Variants in ZNRF2 observed in about 807,000 individuals in gnomAD.
ZNRF2 encodes the protein E3 ubiquitin-protein ligase ZNRF2.
A neutral mutation model predicts 20.4 loss-of-function variants in ZNRF2; 16 were observed. The ratio of observed to expected loss-of-function variants is 0.79; its 90% CI spans 0.53 to 1.19. The LOEUF (loss-of-function observed/expected upper bound fraction) is 1.19. ZNRF2 is among the 50% of genes most tolerant of loss of function. The probability of loss-of-function intolerance (pLI) is 0.00; values close to 1 mark genes in which losing one functional copy is unlikely to be tolerated. For missense variants in ZNRF2, 363 were observed against 332.4 expected, an observed-to-expected ratio of 1.09 and a Z score of -0.72; for synonymous variants, 178 against 144.9, an observed-to-expected ratio of 1.23 and a Z score of -1.64.
intron 2 of ZNRF2, among the ~76,000 whole-genome samples, chr7:30,332,209 C>T (rs1466942718): frequency 2.6e-5 from 4 of 152,100 alleles, no homozygotes; most frequent in African/African-American, 9.7e-5. Flanking sequence ...TACCTGTCTT[C>T]ATAGAGTTAC....
At chr7:30,331,251 A>G (rs1799631296) in intron 2 of ZNRF2, among the ~76,000 whole-genome samples, 1 of 152,178 alleles carries the variant, frequency 6.6e-6, no homozygotes, top group African/African-American at 2.4e-5. Flanking sequence ...GAGTAAGCAG[A>G]TATGAGAATT....
chr7:30,285,961 G>C, intron 1 of ZNRF2, 135 bp downstream of exon 1: 7 of 1,321,766 alleles, frequency 5.3e-6, no homozygotes, highest in Non-Finnish European at 6.8e-6. Flanking sequence ...ACCAGCCCGC[G>C]TCGGTCTCCA....
In ZNRF2 at chr7:30,285,574, G is replaced by A. The variant is rs1385392217; in HGVS notation, c.217G>A (p.Ala73Thr). 4.0e-6 allele frequency: 4 copies of A among 993,902 alleles called. No homozygotes were observed. Among genetic ancestry groups the A allele is most frequent in the East Asian group, 1.0e-4 (1 of 9,820 alleles). The allele number at this position is 993,902 out of a possible 1,614,324, so 61.6% of individuals were successfully genotyped here. The change falls in exon 1 of 5, where the codon GCA becomes ACA. Residue 73 changes from alanine to threonine, a missense_variant. Transcript: ENST00000323037. ...CGCCGCGGCGGCCGCGGCGGCCCCG[G>A]CAGCCCCGGCGGCCCCGCGCAGCCG... Reference protein sequence around the residue: ...GGAAAAAAAPAAPAAPRSRSL... With the variant: ...GGAAAAAAAPTAPAAPRSRSL...
At chr7:30,294,879 CTG>C (rs1366851465) in intron 1 of ZNRF2, among the ~76,000 whole-genome samples, 8 of 151,890 alleles carry the variant, frequency 5.3e-5, no homozygotes, top group African/African-American at 1.7e-4. Flanking sequence ...AGTGGAAAAA[CTG>C]TATATTGTTT....
chr7:30,339,641 G>T (rs536226919), intron 2 of ZNRF2, among the ~76,000 whole-genome samples: 1 of 152,304 alleles, frequency 6.6e-6, no homozygotes, highest in African/African-American at 2.4e-5. Context: ...TTTGGTACCA[G>T]TACTATGCTG....
At chr7:30,322,603 C>T (rs1799488929) in intron 1 of ZNRF2, among the ~76,000 whole-genome samples, 1 of 152,046 alleles carries the variant, frequency 6.6e-6, no homozygotes. Flanking sequence ...TACTTTTGAC[C>T]TTTCTGCTTA....
intron 1 of ZNRF2, among the ~76,000 whole-genome samples, chr7:30,287,707 A>C (rs1798817247): frequency 6.6e-6 from 1 of 151,748 alleles, no homozygotes; most frequent in Non-Finnish European, 1.5e-5. Context: ...GGGGCCTAGT[A>C]GTACAGTGAC....
intron 1 of ZNRF2, among the ~76,000 whole-genome samples, chr7:30,296,753 A>G (rs13307815): frequency 3.3e-5 from 5 of 152,240 alleles, no homozygotes; most frequent in Non-Finnish European, 5.9e-5. Context: ...CTTTAAAACA[A>G]AATAACTAAA....
intron 1 of ZNRF2, among the ~76,000 whole-genome samples, chr7:30,314,188 T>A (rs973142367): frequency 1.3e-5 from 2 of 152,226 alleles, no homozygotes; most frequent in African/African-American, 4.8e-5. Flanking sequence ...AAGAGAAATT[T>A]TTATTATATT....
At chr7:30,336,447 A>G (rs1287369581) in intron 2 of ZNRF2, among the ~76,000 whole-genome samples, 2 of 152,154 alleles carry the variant, frequency 1.3e-5, no homozygotes, top group Admixed American at 6.6e-5. Flanking sequence ...GGGGAACTAT[A>G]TTTAATTCTT....
intron 1 of ZNRF2, among the ~76,000 whole-genome samples, chr7:30,297,291 C>CT (rs539718711): frequency 1.3e-5 from 2 of 152,128 alleles, no homozygotes; most frequent in Non-Finnish European, 1.5e-5. Flanking sequence ...TGAGATCTGT[C>CT]TTTTTTCATC....
Position 30,285,755 on chromosome 7 carries a change from G to A in ZNRF2, c.398G>A (p.Gly133Asp). The A allele has an allele frequency of 1.3e-6, 2 of 1,482,652 alleles. No homozygotes were observed. The highest frequency in any genetic ancestry group is 1.8e-6 in the Non-Finnish European group (2 of 1,123,162). 91.8% of individuals were successfully genotyped at this position (1,482,652 alleles called of 1,614,324 possible). A position where few individuals can be genotyped will look rare whatever the true frequency, so the allele number is the denominator to read the frequency against. Residue 133 changes from glycine (G) to aspartate (D), a missense_variant, in exon 1 of 5, where the codon GGC becomes GAC. Physicochemically the swap from Gly to Asp is moderately conservative, Grantham distance 94. This residue lies in a region of ZNRF2 where 302 missense variants were observed against 231.5 expected (regional missense o/e 1.30). Transcript: ENST00000323037. The stretch of plus-strand genomic sequence containing the variant: ...GGCGGCGGCCGGGACCGGCCGGTGG[G>A]CGGGAGCCCCGGCGGGCCGCGCCTG... Reference protein sequence around the residue: ...DGGGGRDRPVGGSPGGPRLVI... With the variant: ...DGGGGRDRPVDGSPGGPRLVI...
In ZNRF2 at chr7:30,349,323, T is replaced by C. The variant is rs143616793; in HGVS notation, c.566-6405T>C. On this transcript the variant is annotated intron_variant, in intron 2 of 4. Coordinates refer to ENST00000323037, the MANE Select transcript of ZNRF2 (RefSeq NM_147128.4). The stretch of plus-strand genomic sequence containing the variant: ...CCTTCATTTGCATTATCTCCTAAGA[T>C]CTTCACAAGGATCCTAAGAGACAGG... 3.9e-5 allele frequency among the ~76,000 whole-genome samples: 6 copies of C among 152,306 alleles called. No homozygotes were observed. The East Asian group carries it at 7.7e-4, about 20-fold the overall frequency.
chr7:30,350,880 C>A (rs1799951720), intron 2 of ZNRF2, among the ~76,000 whole-genome samples: 2 of 151,916 alleles, frequency 1.3e-5, no homozygotes, highest in African/African-American at 4.8e-5. Flanking sequence ...TTGTATTTTG[C>A]TGAAAAGATC....
At chr7:30,305,894 T>C (rs1799192417) in intron 1 of ZNRF2, among the ~76,000 whole-genome samples, 2 of 152,164 alleles carry the variant, frequency 1.3e-5, no homozygotes, top group South Asian at 2.1e-4. Context: ...CTAGCACTTA[T>C]GGCAATGAAA....
intron 1 of ZNRF2, among the ~76,000 whole-genome samples, chr7:30,311,636 TAGG>T (rs1266260345): frequency 3.3e-5 from 5 of 152,186 alleles, no homozygotes; most frequent in Non-Finnish European, 7.4e-5. Flanking sequence ...CTTAAATACT[TAGG>T]AGTTGGCATG....
chr7:30,336,012 A>G (rs543903481), intron 2 of ZNRF2, among the ~76,000 whole-genome samples: 9 of 152,272 alleles, frequency 5.9e-5, no homozygotes, highest in African/African-American at 1.9e-4. Flanking sequence ...AGATTTTGAG[A>G]GTACCTAGCT....
At chr7:30,328,995 G>A (rs771546507) in intron 2 of ZNRF2, among the ~76,000 whole-genome samples, 27 of 152,086 alleles carry the variant, frequency 1.8e-4, no homozygotes, top group Admixed American at 2.0e-4. Context: ...GTGCTTCATT[G>A]TTGAGTTTAT....
At chr7:30,357,441 A>G (rs1800058351) in intron 3 of ZNRF2, among the ~76,000 whole-genome samples, 1 of 152,230 alleles carries the variant, frequency 6.6e-6, no homozygotes, top group South Asian at 2.1e-4. Flanking sequence ...AATAACAGTG[A>G]TGTTTTTGGC....
Sources: allele counts gnomAD v4.1 joint callset (sites outside exome capture counted in the v4.1 genomes callset), GRCh38; gene constraint gnomAD v4.1.1; regional missense constraint gnomAD v4.1.1; transcripts MANE v1.5; gene names NCBI Gene and HGNC (gene_info 2026-07-23, HGNC 2026-07-21).